RASA2: variants seen among roughly 807,000 people sequenced by gnomAD.
RASA2 encodes the protein RAS p21 protein activator 2, also known as ras GTPase-activating protein 2.
Under a neutral mutation model 118.2 loss-of-function variants are expected in RASA2, and 155 were observed. The ratio of observed to expected loss-of-function variants is 1.31; its 90% CI spans 1.15 to 1.50. The LOEUF (loss-of-function observed/expected upper bound fraction) is 1.50. Ranked by LOEUF, RASA2 falls within the 40% of genes most tolerant of loss-of-function variation. The probability of loss-of-function intolerance (pLI) is 0.00; values close to 1 mark genes in which losing one functional copy is unlikely to be tolerated. For missense variants in RASA2, 1,016 were observed against 1,009.6 expected, an observed-to-expected ratio of 1.01 and a Z score of -0.09; for synonymous variants, 353 against 349.1, an observed-to-expected ratio of 1.01 and a Z score of -0.12.
intron 19 of RASA2, among the ~76,000 whole-genome samples, chr3:141,591,607 T>A (rs553406967): frequency 1.3e-5 from 2 of 152,336 alleles, no homozygotes; most frequent in African/African-American, 4.8e-5. Context: ...CTTTCTAAAA[T>A]TTCTGCCAGG....
chr3:141,574,767 G>T (rs1347463618), intron 14 of RASA2, among the ~76,000 whole-genome samples: 1 of 152,194 alleles, frequency 6.6e-6, no homozygotes, highest in Non-Finnish European at 1.5e-5. Flanking sequence ...CATTCAGATA[G>T]TGAGAATCTT....
intron 3 of RASA2, among the ~76,000 whole-genome samples, chr3:141,523,323 G>C (rs1279579586): frequency 6.6e-6 from 1 of 151,862 alleles, no homozygotes; most frequent in South Asian, 2.1e-4. Flanking sequence ...ACGAGGTTTC[G>C]CCATTTGGCC....
chr3:141,557,266 G>A (rs1029724183), intron 7 of RASA2, among the ~76,000 whole-genome samples: 3 of 152,180 alleles, frequency 2.0e-5, no homozygotes, highest in Non-Finnish European at 4.4e-5. Flanking sequence ...TTTAACTGAA[G>A]CAAGGAACAC....
chr3:141,610,954 T>G (rs1251448691), intron 23 of RASA2, among the ~76,000 whole-genome samples: 1 of 152,190 alleles, frequency 6.6e-6, no homozygotes, highest in Admixed American at 6.6e-5. Context: ...AGAATTATTT[T>G]ATAGTTGATT....
chr3:141,513,112 A>G (rs1015331748), intron 2 of RASA2, among the ~76,000 whole-genome samples: 1 of 150,570 alleles, frequency 6.6e-6, no homozygotes, highest in Admixed American at 6.6e-5. Flanking sequence ...GTGGGGTATT[A>G]TTGGAATGAG....
intron 17 of RASA2, among the ~76,000 whole-genome samples, chr3:141,581,903 T>C (rs2083120147): frequency 6.6e-6 from 1 of 152,190 alleles, no homozygotes; most frequent in South Asian, 2.1e-4. Flanking sequence ...TCCTGAATCA[T>C]CTAAACAAAA....
chr3:141,571,280 C>T (rs1560040854), intron 10 of RASA2, 126 bp from the exon 11 acceptor site: 20 of 1,384,408 alleles, frequency 1.4e-5, no homozygotes, highest in African/African-American at 4.4e-5. Flanking sequence ...TAAAAAATTT[C>T]GAAAATTAAA....
At chr3:141,589,221 A>G (rs2083251573) in intron 19 of RASA2, among the ~76,000 whole-genome samples, 3 of 152,204 alleles carry the variant, frequency 2.0e-5, no homozygotes, top group African/African-American at 7.2e-5. Context: ...GTTCTCACCT[A>G]TGCATAGCAC....
intron 1 of RASA2, among the ~76,000 whole-genome samples, chr3:141,494,026 A>G (rs940320914): frequency 3.9e-5 from 6 of 152,234 alleles, no homozygotes; most frequent in African/African-American, 9.6e-5. Context: ...AAACAACTGC[A>G]TAATATTTCA....
rs1435790286 is a variant in RASA2, at chr3:141,608,641, T to C, written c.2169T>C (p.Asn723=). 8 of 1,613,906 alleles carry C rather than the reference T, an allele frequency of 5.0e-6. No homozygotes were observed. The highest frequency in any genetic ancestry group is 6.8e-6 in the Non-Finnish European group (8 of 1,179,942). The change falls in exon 21 of 24, where the codon AAT becomes AAC. Residue 723 remains asparagine, a synonymous_variant. Coordinates refer to ENST00000286364, the MANE Select transcript of RASA2 (RefSeq NM_006506.5). The stretch of plus-strand genomic sequence containing the variant: ...ATCCCTCTGTGTATCTGAACGGAAA[T>C]TGGCTCTGCTGTCAGGAGACTGGTG... ...FYHPSVYLNG[N]WLCCQETGEN...
At chr3:141,505,912 CAT>C (rs1157710188) in intron 1 of RASA2, among the ~76,000 whole-genome samples, 3 of 152,206 alleles carry the variant, frequency 2.0e-5, no homozygotes, top group South Asian at 2.1e-4. Context: ...ATTACTATCA[CAT>C]GTGGGCGAGA....
intron 4 of RASA2, among the ~76,000 whole-genome samples, chr3:141,532,184 G>A (rs1465816350): frequency 1.3e-5 from 2 of 152,074 alleles, no homozygotes; most frequent in Admixed American, 6.6e-5. Flanking sequence ...AAATTCAGAG[G>A]TTAAATGTCT....
At chr3:141,534,437 A>G (rs1291844130) in intron 4 of RASA2, among the ~76,000 whole-genome samples, 1 of 152,172 alleles carries the variant, frequency 6.6e-6, no homozygotes, top group Non-Finnish European at 1.5e-5. Flanking sequence ...CTCATTAATT[A>G]AGGAGTTTGT....
At chr3:141,531,796 T>C (rs1003764299) in intron 4 of RASA2, among the ~76,000 whole-genome samples, 1 of 152,054 alleles carries the variant, frequency 6.6e-6, no homozygotes, top group Non-Finnish European at 1.5e-5. Flanking sequence ...AAGAGACATA[T>C]AACACTTTTG....
chr3:141,496,456 TCAAA>T (rs1245587583), intron 1 of RASA2, among the ~76,000 whole-genome samples: 2 of 151,964 alleles, frequency 1.3e-5, no homozygotes, highest in Non-Finnish European at 2.9e-5. Flanking sequence ...TACAAAGAAC[TCAAA>T]CAAATTTACA....
intron 6 of RASA2, among the ~76,000 whole-genome samples, chr3:141,555,451 G>T (rs1267193877): frequency 6.6e-6 from 1 of 152,054 alleles, no homozygotes; most frequent in East Asian, 1.9e-4. Flanking sequence ...AGCCCAAGAA[G>T]TAAGCTGAGT....
intron 1 of RASA2, among the ~76,000 whole-genome samples, chr3:141,505,361 T>C (rs1347647668): frequency 6.6e-6 from 1 of 152,124 alleles, no homozygotes; most frequent in Non-Finnish European, 1.5e-5. Flanking sequence ...ATCACTGTAG[T>C]AGAGATGCAA....
In RASA2 at chr3:141,586,677, C is replaced by G. The variant is rs748310597; in HGVS notation, c.1858C>G (p.Arg620Gly). Residue 620 changes from arginine to glycine, a missense_variant, in exon 19 of 24, where the codon CGG (arginine) becomes GGG (glycine). This residue lies in a region of RASA2 where 896 missense variants were observed against 836.4 expected (regional missense o/e 1.07). Transcript: ENST00000286364. ...GTATAAAAGAGCTCAAGGAAGAACT[C>G]GGATTGGAAAAAAGAATTTTAAGAA... ...EMYKRAQGRT[R>G]IGKKNFKKRW... 1.2e-6 allele frequency: 2 copies of G among 1,612,956 alleles called. No homozygotes were observed. The highest frequency in any genetic ancestry group is 1.7e-6 in the Non-Finnish European group (2 of 1,179,368).
chr3:141,584,954 A>C (rs1577789085), intron 17 of RASA2, among the ~76,000 whole-genome samples: 1 of 152,296 alleles, frequency 6.6e-6, no homozygotes, highest in East Asian at 1.9e-4. Context: ...AGAATGCACC[A>C]GCAAGCATTT....
Sources: allele counts gnomAD v4.1 joint callset (sites outside exome capture counted in the v4.1 genomes callset), GRCh38; gene constraint gnomAD v4.1.1; regional missense constraint gnomAD v4.1.1; transcripts MANE v1.5; gene names NCBI Gene and HGNC (gene_info 2026-07-23, HGNC 2026-07-21).